Variants in PCDH9 observed in about 807,000 individuals in gnomAD.
PCDH9 encodes the protein protocadherin-9.
Under a neutral mutation model 70.6 loss-of-function variants are expected in PCDH9, and 24 were observed. The observed-to-expected ratio is 0.34, with a 90% CI of 0.25 to 0.48. The LOEUF (loss-of-function observed/expected upper bound fraction) is 0.48. Among genes scored for constraint, PCDH9 ranks in the 20% least tolerant of loss-of-function variants. The pLI is 0.99. For missense variants in PCDH9, 1,281 were observed against 1,503.6 expected, an observed-to-expected ratio of 0.85 and a Z score of 2.45; for synonymous variants, 562 against 558.5, an observed-to-expected ratio of 1.01 and a Z score of -0.09.
intron 3 of PCDH9, among the ~76,000 whole-genome samples, chr13:66,757,878 A>G (rs1256132405): frequency 1.3e-5 from 2 of 152,026 alleles, no homozygotes; most frequent in African/African-American, 4.8e-5. Flanking sequence ...GTTTTTTATG[A>G]TTGAATAACT....
intron 4 of PCDH9, among the ~76,000 whole-genome samples, chr13:66,344,421 C>T (rs530154139): frequency 2.0e-5 from 3 of 152,078 alleles, no homozygotes; most frequent in Non-Finnish European, 2.9e-5. Context: ...CTACCATGCC[C>T]GGCCAATAAA....
Position 66,700,954 on chromosome 13 carries a change from A to G in PCDH9, c.3139-69543T>C, listed in dbSNP as rs1013466906. 1.5e-4 allele frequency among the ~76,000 whole-genome samples: 20 copies of G among 133,808 alleles called. 1 individual carries two copies. Among genetic ancestry groups the G allele is most frequent in the Admixed American group, 1.0e-3 (14 of 13,534 alleles). The allele number at this position is 133,808 out of a possible 152,430, so 87.8% of individuals were successfully genotyped here. A position where few individuals can be genotyped will look rare whatever the true frequency, so the allele number is the denominator to read the frequency against. On this transcript the variant is annotated intron_variant, in intron 3 of 4. Coordinates refer to ENST00000377865, the MANE Select transcript of PCDH9 (RefSeq NM_203487.3). ...TATATATATATATATATATATATATATATATATATATATATACTTTTTCAC... is the reference window on the plus strand; with the variant it reads ...TATATATATATATATATATATATATGTATATATATATATATACTTTTTCAC...
intron 3 of PCDH9, among the ~76,000 whole-genome samples, chr13:66,869,736 C>A (rs1169342154): frequency 6.6e-6 from 1 of 152,084 alleles, no homozygotes; most frequent in Admixed American, 6.6e-5. Context: ...ATTTGAGAAA[C>A]CTCGTCAACA....
intron 2 of PCDH9, among the ~76,000 whole-genome samples, chr13:66,994,363 C>T (rs2084065452): frequency 6.6e-6 from 1 of 152,186 alleles, no homozygotes; most frequent in African/African-American, 2.4e-5. Flanking sequence ...CTCCCCTCAC[C>T]CCGCCATTCG....
chr13:66,628,711 C>T (rs2077530482), intron 4 of PCDH9, among the ~76,000 whole-genome samples: 1 of 152,128 alleles, frequency 6.6e-6, no homozygotes, highest in Admixed American at 6.5e-5. Context: ...CTAAGTTTTG[C>T]TTTTCTTCAA....
intron 4 of PCDH9, among the ~76,000 whole-genome samples, chr13:66,549,607 C>T (rs1201762517): frequency 6.6e-6 from 1 of 151,996 alleles, no homozygotes; most frequent in Non-Finnish European, 1.5e-5. Context: ...TTTAACTGAC[C>T]TCTAAAGAGG....
chr13:66,992,742 G>A (rs577761947), intron 2 of PCDH9, among the ~76,000 whole-genome samples: 5 of 152,046 alleles, frequency 3.3e-5, no homozygotes, highest in Admixed American at 6.5e-5. Context: ...GCCTGCCTTA[G>A]AAGACAAAAA....
intron 4 of PCDH9, among the ~76,000 whole-genome samples, chr13:66,607,666 T>G (rs1254961325): frequency 1.3e-5 from 2 of 152,124 alleles, no homozygotes; most frequent in Non-Finnish European, 2.9e-5. Flanking sequence ...GTCTCAAATG[T>G]TATTTGATTG....
chr13:66,432,627 G>A (rs986262409), intron 4 of PCDH9, among the ~76,000 whole-genome samples: 1 of 151,958 alleles, frequency 6.6e-6, no homozygotes, highest in African/African-American at 2.4e-5. Context: ...AATGACTAAT[G>A]AGTGTGATTG....
intron 2 of PCDH9, among the ~76,000 whole-genome samples, chr13:67,191,433 C>A (rs1050848669): frequency 6.6e-6 from 1 of 152,104 alleles, no homozygotes; most frequent in African/African-American, 2.4e-5. Context: ...CTATAAATCA[C>A]TACTTTGTTC....
intron 4 of PCDH9, among the ~76,000 whole-genome samples, chr13:66,442,134 G>A (rs1328522309): frequency 6.6e-6 from 1 of 152,110 alleles, no homozygotes; most frequent in African/African-American, 2.4e-5. Flanking sequence ...CTTGTCCAGT[G>A]CACAAAGCAT....
At chr13:67,015,467 C>T (rs749475460) in intron 2 of PCDH9, among the ~76,000 whole-genome samples, 7 of 152,086 alleles carry the variant, frequency 4.6e-5, no homozygotes, top group Non-Finnish European at 7.4e-5. Context: ...GGTGTCACCA[C>T]CTAGCCAGTC....
At chr13:67,092,161 C>A (rs2138213973) in intron 2 of PCDH9, among the ~76,000 whole-genome samples, 1 of 151,940 alleles carries the variant, frequency 6.6e-6, no homozygotes, top group Non-Finnish European at 1.5e-5. Flanking sequence ...TGATTTTGTC[C>A]ATTTACTTGG....
At chr13:66,540,697 C>T (rs192594627) in intron 4 of PCDH9, among the ~76,000 whole-genome samples, 2 of 152,244 alleles carry the variant, frequency 1.3e-5, no homozygotes, top group East Asian at 3.9e-4. Context: ...TGGTTGACCC[C>T]CTTTGGGCAG....
chr13:66,833,094 G>A (rs755990387), intron 3 of PCDH9, among the ~76,000 whole-genome samples: 40 of 152,012 alleles, frequency 2.6e-4, no homozygotes, highest in Non-Finnish European at 4.6e-4. Context: ...ATGTGGTCTC[G>A]TAGCCAACAA....
At chr13:66,536,189 T>G (rs570266031) in intron 4 of PCDH9, among the ~76,000 whole-genome samples, 49 of 152,180 alleles carry the variant, frequency 3.2e-4, no homozygotes, top group African/African-American at 1.1e-3. Flanking sequence ...TTCTATATTA[T>G]AAATAATATG....
At chr13:66,356,923 T>G (rs1172533603) in intron 4 of PCDH9, among the ~76,000 whole-genome samples, 1 of 151,992 alleles carries the variant, frequency 6.6e-6, no homozygotes, top group African/African-American at 2.4e-5. Flanking sequence ...CGGCTTAAGG[T>G]TACAGGGTTA....
At chr13:66,970,466 CA>C (rs200692230) in intron 2 of PCDH9, among the ~76,000 whole-genome samples, 1 of 150,420 alleles carries the variant, frequency 6.6e-6, no homozygotes, top group Non-Finnish European at 1.5e-5. Flanking sequence ...CCCATCTCTA[CA>C]AAAAAAATAA....
intron 3 of PCDH9, among the ~76,000 whole-genome samples, chr13:66,719,729 A>C (rs2078916906): frequency 6.6e-6 from 1 of 152,220 alleles, no homozygotes. Context: ...AGTTTGTTTA[A>C]ATAAAATATT....
Sources: gnomAD v4.1 joint callset for allele counts (sites outside exome capture counted in the v4.1 genomes callset) on GRCh38, gnomAD v4.1.1 for gene constraint, MANE v1.5 for transcripts, NCBI Gene and HGNC (gene_info 2026-07-23, HGNC 2026-07-21) for gene names.